The following SLC5A11 variants were observed in gnomAD, a reference collection of about 807,000 sequenced individuals.
SLC5A11 encodes the protein sodium/myo-inositol cotransporter 2.
A neutral mutation model predicts 69.8 loss-of-function variants in SLC5A11; 48 were observed. That is an observed-to-expected ratio of 0.69 (90% CI 0.55 to 0.87). SLC5A11 has a LOEUF of 0.87. Among genes scored for constraint, SLC5A11 ranks in the 40% least tolerant of loss-of-function variants. SLC5A11 has a pLI of 0.00. For missense variants in SLC5A11, 784 were observed against 866.1 expected, an observed-to-expected ratio of 0.91 and a Z score of 1.19; for synonymous variants, 319 against 342.4, an observed-to-expected ratio of 0.93 and a Z score of 0.75.
intron 7 of SLC5A11, among the ~76,000 whole-genome samples, chr16:24,877,627 A>G (rs1216294328): frequency 1.3e-5 from 2 of 152,208 alleles, no homozygotes; most frequent in Non-Finnish European, 2.9e-5. Context: ...AGGCAGGTGG[A>G]TCACTTGAGG....
At chr16:24,863,544 T>C (rs1453877303) in intron 3 of SLC5A11, among the ~76,000 whole-genome samples, 1 of 152,126 alleles carries the variant, frequency 6.6e-6, no homozygotes, top group African/African-American at 2.4e-5. Context: ...CCCGCACAGT[T>C]TCTGTATGGG....
chr16:24,858,428 T>TTAA (rs1555519064), intron 1 of SLC5A11, among the ~76,000 whole-genome samples, 192 bp from the exon 3 acceptor site: 5 of 151,852 alleles, frequency 3.3e-5, no homozygotes, highest in African/African-American at 1.2e-4. Flanking sequence ...TGAATATGTG[T>TTAA]TGAATGAATG....
At chr16:24,848,906 G>A (rs2152181289) in intron 1 of SLC5A11, among the ~76,000 whole-genome samples, 1 of 152,306 alleles carries the variant, frequency 6.6e-6, no homozygotes. Flanking sequence ...GCTCAGACAA[G>A]GGTGATAGCA....
chr16:24,872,088 C>T (rs756033137), intron 4 of SLC5A11, 72 bp from the exon 6 acceptor site: 65 of 1,581,024 alleles, frequency 4.1e-5, no homozygotes, highest in Middle Eastern at 3.3e-4. Context: ...TGCCTCAGGG[C>T]GCAGAGGGAA....
intron 1 of SLC5A11, among the ~76,000 whole-genome samples, chr16:24,848,501 G>A (rs953196321): frequency 6.6e-6 from 1 of 152,192 alleles, no homozygotes; most frequent in Non-Finnish European, 1.5e-5. Context: ...GCTCACACCT[G>A]TAATCCCAGC....
chr16:24,849,593 AATATAT>A lies in SLC5A11; in HGVS notation c.-25+3180_-25+3185del, dbSNP rs1555515955. On this transcript the variant is annotated intron_variant, in intron 1 of 15. Coordinates refer to ENST00000347898, the Ensembl canonical transcript of SLC5A11. ...GGGGCAAAAAAAAAAAAAAAAAAAA[AATATAT>A]ATATATATATATATATATATATATC... Among the ~76,000 whole-genome samples the A allele has an allele frequency of 5.0e-3, 178 of 35,794 alleles. 2 individuals are homozygous for A. Among genetic ancestry groups the A allele is most frequent in the African/African-American group, 7.2e-3 (78 of 10,828 alleles). 23.5% of individuals were successfully genotyped at this position (35,794 alleles called of 152,430 possible).
intron 4 of SLC5A11, 54 bp downstream of exon 5, chr16:24,870,059 ATC>A: frequency 7.8e-7 from 1 of 1,288,326 alleles, no homozygotes; most frequent in Non-Finnish European, 1.1e-6. Flanking sequence ...TAACAGGTAG[ATC>A]TCAGGGGAAA....
At chr16:24,872,215 G>A in exon 5 of SLC5A11, 2 of 1,614,116 alleles carry the variant, frequency 1.2e-6, no homozygotes, top group Non-Finnish European at 1.7e-6. Flanking sequence ...TACATTGCTG[G>A]TCAGGTGAGT....
chr16:24,886,720 G>C (rs1009352792), intron 8 of SLC5A11, among the ~76,000 whole-genome samples: 1 of 152,082 alleles, frequency 6.6e-6, no homozygotes, highest in African/African-American at 2.4e-5. Flanking sequence ...ACAGAGAGGT[G>C]GGAAGATCAT....
At chr16:24,853,390 A>G (rs891738647) in intron 1 of SLC5A11, among the ~76,000 whole-genome samples, 1 of 152,200 alleles carries the variant, frequency 6.6e-6, no homozygotes, top group Non-Finnish European at 1.5e-5. Context: ...AAGACCTAAC[A>G]CAGAGCTTGG....
chr16:24,882,369 G>A (rs1325685097), intron 7 of SLC5A11, among the ~76,000 whole-genome samples: 2 of 152,158 alleles, frequency 1.3e-5, no homozygotes, highest in African/African-American at 2.4e-5. Context: ...GAACGGCAGG[G>A]AACTGAGGCC....
intron 7 of SLC5A11, among the ~76,000 whole-genome samples, chr16:24,878,086 C>T (rs984010332): frequency 2.6e-5 from 4 of 152,184 alleles, no homozygotes; most frequent in Admixed American, 6.5e-5. Flanking sequence ...CCCGGTGGGG[C>T]GGACGTTGCA....
At chr16:24,871,178 G>A (rs1440877033) in intron 4 of SLC5A11, among the ~76,000 whole-genome samples, 1 of 152,182 alleles carries the variant, frequency 6.6e-6, no homozygotes, top group African/African-American at 2.4e-5. Context: ...CACTGCCTGG[G>A]TTTACATTCT....
At chr16:24,906,588 C>T (rs2050076809) in intron 10 of SLC5A11, 69 bp from the exon 12 acceptor site, 5 of 938,106 alleles carry the variant, frequency 5.3e-6, no homozygotes, top group Non-Finnish European at 6.5e-6. Flanking sequence ...TGTGTCCGGC[C>T]CCATGTTGCC....
intron 1 of SLC5A11, among the ~76,000 whole-genome samples, chr16:24,854,853 G>A (rs8057788): frequency 0.25 from 37,340 of 151,926 alleles, 5,968 homozygotes; most frequent in East Asian, 0.46. Context: ...TTTCCTGCTT[G>A]GAACCTCCCT....
chr16:24,882,758 G>A (rs889932662), intron 7 of SLC5A11, among the ~76,000 whole-genome samples: 8 of 152,178 alleles, frequency 5.3e-5, no homozygotes, highest in Non-Finnish European at 1.2e-4. Flanking sequence ...TGATTCTCCT[G>A]TCTCAGCCTC....
intron 14 of SLC5A11, among the ~76,000 whole-genome samples, chr16:24,909,867 T>A (rs2343625): frequency 0.75 from 108,739 of 144,870 alleles, 42,341 homozygotes; most frequent in African/African-American, 0.93. Flanking sequence ...AAATAAGCAT[T>A]AATATTTCTG....
chr16:24,883,120 C>T (rs186882082), intron 7 of SLC5A11, among the ~76,000 whole-genome samples: 2 of 152,202 alleles, frequency 1.3e-5, no homozygotes, highest in Admixed American at 6.5e-5. Context: ...ATCCCAGCAC[C>T]TTGGGAGGCC....
At chr16:24,888,283 T>C (rs1384161687) in intron 8 of SLC5A11, among the ~76,000 whole-genome samples, 1 of 152,086 alleles carries the variant, frequency 6.6e-6, no homozygotes, top group Non-Finnish European at 1.5e-5. Context: ...AAATAGTGCC[T>C]GGGTCACAAA....
Sources: gnomAD v4.1 joint callset for allele counts (sites outside exome capture counted in the v4.1 genomes callset) on GRCh38, gnomAD v4.1.1 for gene constraint, MANE v1.5 for transcripts, NCBI Gene and HGNC (gene_info 2026-07-23, HGNC 2026-07-21) for gene names.